The following SLC10A7 variants were observed in gnomAD, a reference collection of about 807,000 sequenced individuals.
SLC10A7 encodes the protein sodium/bile acid cotransporter 7.
SLC10A7 carries 29 observed loss-of-function variants against 43.2 expected under a neutral mutation model. That is an observed-to-expected ratio of 0.67 (90% CI 0.50 to 0.92). SLC10A7 has a LOEUF of 0.92. Ranked by LOEUF, SLC10A7 falls within the 40% of genes least tolerant of loss-of-function variation. The pLI is 0.00. For synonymous variants in SLC10A7, 152 were observed against 144.8 expected (o/e 1.05, Z -0.35); for missense variants, 295 against 403.2 (o/e 0.73, Z 2.30).
At chr4:146,292,232 CAG>C (rs1254723832) in intron 9 of SLC10A7, among the ~76,000 whole-genome samples, 1 of 152,072 alleles carries the variant, frequency 6.6e-6, no homozygotes, top group Admixed American at 6.5e-5. Context: ...ATATCTGAAC[CAG>C]AGAGCCATGA....
chr4:146,336,642 A>G (rs921490468), intron 5 of SLC10A7, among the ~76,000 whole-genome samples: 2 of 152,014 alleles, frequency 1.3e-5, no homozygotes, highest in African/African-American at 2.4e-5. Flanking sequence ...TAGTCCGCCT[A>G]TCTTGGACCT....
rs1281162433 is a variant in SLC10A7 at position 146,489,613 on chromosome 4, G to A, written c.396+14236C>T. ...TAGCAGCTCACTAAATCCACGTAGGGCAAAGGAACTGCCCACGGGTTAAAA... is the reference window on the plus strand; with the variant it reads ...TAGCAGCTCACTAAATCCACGTAGGACAAAGGAACTGCCCACGGGTTAAAA... On this transcript the variant is annotated intron_variant, in intron 4 of 11. Coordinates refer to ENST00000335472, the MANE Select transcript of SLC10A7 (RefSeq NM_001029998.6). 7.2e-5 allele frequency among the ~76,000 whole-genome samples: 11 copies of A among 152,274 alleles called. No individual in the cohort carries two copies. In the East Asian group the frequency reaches 1.9e-3, roughly 27 times the overall value.
In SLC10A7 at chr4:146,326,014, G is replaced by T; in HGVS notation, c.436-18C>A. 1 of 1,608,742 alleles carries T rather than the reference G, an allele frequency of 6.2e-7. No homozygotes were observed. Among genetic ancestry groups the T allele is most frequent in the Non-Finnish European group, 8.5e-7 (1 of 1,177,458 alleles). Reference sequence around the variant, plus strand: ...ACGATGCCCTGAAAGAAATAAAAGAGAGGATGATCATTTATCAGCCTGGAA... The same window carrying T: ...ACGATGCCCTGAAAGAAATAAAAGATAGGATGATCATTTATCAGCCTGGAA... On this transcript the variant is annotated intron_variant, in intron 5 of 11. Transcript: ENST00000335472.
chr4:146,440,652 T>G (rs1010985605), intron 5 of SLC10A7, among the ~76,000 whole-genome samples: 1 of 152,220 alleles, frequency 6.6e-6, no homozygotes, highest in African/African-American at 2.4e-5. Context: ...AATCCTAGGT[T>G]GTTGTAACTA....
At chr4:146,298,916 A>G (rs1179332279) in intron 7 of SLC10A7, among the ~76,000 whole-genome samples, 1 of 152,226 alleles carries the variant, frequency 6.6e-6, no homozygotes, top group East Asian at 1.9e-4. Flanking sequence ...GAGGAAGACC[A>G]AACTACACCT....
chr4:146,265,955 T>A (rs930226737), intron 10 of SLC10A7, among the ~76,000 whole-genome samples: 1 of 152,222 alleles, frequency 6.6e-6, no homozygotes, highest in Non-Finnish European at 1.5e-5. Flanking sequence ...TAATATTACA[T>A]GTACTTTCCC....
intron 4 of SLC10A7, among the ~76,000 whole-genome samples, chr4:146,459,785 A>C (rs1732381587): frequency 6.6e-6 from 1 of 151,872 alleles, no homozygotes; most frequent in African/African-American, 2.4e-5. Context: ...AGGCTACAAA[A>C]ATCACAAACT....
chr4:146,319,707 G>T (rs1732566968), intron 6 of SLC10A7, among the ~76,000 whole-genome samples: 1 of 152,044 alleles, frequency 6.6e-6, no homozygotes, highest in Non-Finnish European at 1.5e-5. Flanking sequence ...CAAAAAGGGA[G>T]CACAGAAGTG....
chr4:146,445,638 C>T (rs1730985892), intron 4 of SLC10A7, among the ~76,000 whole-genome samples: 1 of 152,070 alleles, frequency 6.6e-6, no homozygotes. Context: ...TCTTGGTACC[C>T]GAGTTCTTGT....
chr4:146,396,778 G>A (rs558874991), intron 5 of SLC10A7, among the ~76,000 whole-genome samples: 100 of 150,708 alleles, frequency 6.6e-4, no homozygotes, highest in Non-Finnish European at 1.0e-3. Context: ...CACAAATTCC[G>A]GACCACTACT....
At chr4:146,280,661 A>G (rs1401619506) in intron 10 of SLC10A7, among the ~76,000 whole-genome samples, 1 of 152,182 alleles carries the variant, frequency 6.6e-6, no homozygotes, top group African/African-American at 2.4e-5. Context: ...TCTTGTGAAA[A>G]TGGATACAGT....
chr4:146,336,349 CG>C (rs1733896534), intron 5 of SLC10A7, among the ~76,000 whole-genome samples: 1 of 152,090 alleles, frequency 6.6e-6, no homozygotes, highest in Admixed American at 6.6e-5. Flanking sequence ...AGTGAACCCA[CG>C]CTGGCTTCTA....
chr4:146,288,547 T>C (rs75138747), intron 9 of SLC10A7, among the ~76,000 whole-genome samples: 9,628 of 152,188 alleles, frequency 0.063, 419 homozygotes, highest in South Asian at 0.2. Flanking sequence ...CCAAAAACAC[T>C]ACAAAATGTA....
chr4:146,521,737 TTTTG>T lies in SLC10A7; in HGVS notation c.-24_-21del. 1.2e-6 allele frequency: 2 copies of T among 1,600,196 alleles called. No homozygotes were observed. The highest frequency in any genetic ancestry group is 2.2e-5 in the East Asian group (1 of 44,808). ...CCTCATATTTGTTAGGGTGGGTGGG[TTTTG>T]TTTATTTGTTTGGCTTTTTTTCTTT... is the stretch of plus-strand genomic sequence containing the variant. On this transcript the variant is annotated 5_prime_UTR_variant, in exon 1 of 12. The change abolishes the stop of an existing upstream ORF in the 5' untranslated region. Transcript: ENST00000335472.
chr4:146,355,975 C>T (rs1484859473), intron 5 of SLC10A7, among the ~76,000 whole-genome samples: 1 of 149,720 alleles, frequency 6.7e-6, no homozygotes, highest in Admixed American at 6.7e-5. Context: ...ACCAGCATGG[C>T]ACATGTATAC....
chr4:146,378,697 G>T (rs889871222), intron 5 of SLC10A7, among the ~76,000 whole-genome samples: 2 of 152,170 alleles, frequency 1.3e-5, no homozygotes, highest in Non-Finnish European at 2.9e-5. Flanking sequence ...GGAGAATATA[G>T]ATTAAGATAG....
intron 10 of SLC10A7, among the ~76,000 whole-genome samples, chr4:146,276,846 C>A (rs1254240991): frequency 6.6e-6 from 1 of 151,916 alleles, no homozygotes; most frequent in East Asian, 1.9e-4. Flanking sequence ...CCCAGCTACT[C>A]AGGAGACTGA....
chr4:146,514,410 T>C (rs1182034424), intron 2 of SLC10A7: 4 of 152,242 alleles, frequency 2.6e-5, no homozygotes, highest in Non-Finnish European at 4.4e-5. Flanking sequence ...AACTACAGGT[T>C]TGAAGTGAAC....
chr4:146,510,810 A>G (rs1737392613), intron 2 of SLC10A7, among the ~76,000 whole-genome samples: 1 of 152,228 alleles, frequency 6.6e-6, no homozygotes, highest in East Asian at 1.9e-4. Context: ...CACCAAGGCT[A>G]TAAGTCCTCA....
Sources: gnomAD v4.1 joint callset for allele counts (sites outside exome capture counted in the v4.1 genomes callset) on GRCh38, gnomAD v4.1.1 for gene constraint, MANE v1.5 for transcripts, NCBI Gene and HGNC (gene_info 2026-07-23, HGNC 2026-07-21) for gene names.